The following ZNF805 variants were observed in gnomAD, a reference collection of about 807,000 sequenced individuals.
ZNF805 encodes the protein zinc finger protein 805.
In ZNF805, 7 loss-of-function variants were observed where a neutral mutation model predicts 13.6. The observed-to-expected ratio is 0.51, with a 90% confidence interval of 0.29 to 0.97. The LOEUF is 0.97. Among genes scored for constraint, ZNF805 ranks in the 50% least tolerant of loss-of-function variants. ZNF805 has a pLI of 0.08. For synonymous variants in ZNF805, 293 were observed against 279.8 expected, an observed-to-expected ratio of 1.05 and a Z score of -0.47; for missense variants, 604 against 771.0, an observed-to-expected ratio of 0.78 and a Z score of 2.57.
chr19:57,257,377 T>A lies in ZNF805; in HGVS notation c.*2674T>A, dbSNP rs1020365752. On this transcript the variant is annotated 3_prime_UTR_variant, in exon 4 of 4. Coordinates refer to ENST00000414468, the MANE Select transcript of ZNF805 (RefSeq NM_001023563.4). ...GAAGTCCTGAGCTATAATTGTGGAA[T>A]TACCTATTCCTCCTTTAAGTTCTAT... is the stretch of plus-strand genomic sequence containing the variant. 6.6e-6 allele frequency among the ~76,000 whole-genome samples: 1 copy of A among 152,230 alleles called. No individual in the cohort carries two copies. Among genetic ancestry groups the A allele is most frequent in the Admixed American group, 6.5e-5 (1 of 15,284 alleles).
At chr19:57,247,373 G>A (rs1406459624) in intron 2 of ZNF805, among the ~76,000 whole-genome samples, 1 of 152,138 alleles carries the variant, frequency 6.6e-6, no homozygotes. Flanking sequence ...TGGTGCTCGT[G>A]GTTTCCTCCT....
chr19:57,254,534 T>TG lies in ZNF805; in HGVS notation c.1718dup (p.Arg574LysfsTer27). On this transcript the variant is annotated frameshift_variant, in exon 4 of 4. Transcript: ENST00000414468. LOFTEE classifies it low-confidence loss of function (END_TRUNC). ...AGAAATCCTATCAGTGTAACAGATG[T>TG]GGGAAGACCTTTTACAAGTGGGCAG... 6.2e-7 allele frequency: 1 copy of TG among 1,614,206 alleles called. No individual in the cohort carries two copies. Among genetic ancestry groups the TG allele is most frequent in the Non-Finnish European group, 8.5e-7 (1 of 1,180,042 alleles).
chr19:57,243,823 G>A, intron 1 of ZNF805, 100 bp from the exon 2 acceptor site: 3 of 1,545,918 alleles, frequency 1.9e-6, no homozygotes, highest in Non-Finnish European at 2.7e-6. Context: ...GCCCTCAGGA[G>A]GCCCTCAGTG....
Position 57,245,757 on chromosome 19 carries a change from C to T in ZNF805, c.157+1708C>T, listed in dbSNP as rs188319916. On this transcript the variant is annotated intron_variant, in intron 2 of 3. Coordinates refer to ENST00000414468, the MANE Select transcript of ZNF805 (RefSeq NM_001023563.4). The stretch of plus-strand genomic sequence containing the variant: ...TTGCACCACTGCACTCCAGCCTGGG[C>T]GACAGAGCGAGACTCCATCTCAAAA... 9.1e-3 allele frequency among the ~76,000 whole-genome samples: 1,369 copies of T among 150,056 alleles called. 10 individuals carry two copies. The highest frequency in any genetic ancestry group is 0.024 in the Middle Eastern group (7 of 290).
Position 57,257,328 on chromosome 19 carries a change from A to G in ZNF805, c.*2625A>G, listed in dbSNP as rs1029938798. ...TGCTGATTTTCTGTCTAGTATTTCT[A>G]TCAATTGCCAAGAGAAGGATGTTGA... On this transcript the variant is annotated 3_prime_UTR_variant, in exon 4 of 4. Transcript: ENST00000414468. Among the ~76,000 whole-genome samples the G allele has an allele frequency of 3.9e-5, 6 of 152,266 alleles. No homozygotes were observed. Among genetic ancestry groups the G allele is most frequent in the Admixed American group, 1.3e-4 (2 of 15,300 alleles).
At position 57,253,846 on chromosome 19, in the gene ZNF805, T is replaced by C; in HGVS notation, c.1027T>C (p.Tyr343His). The change falls in exon 4 of 4, where the codon TAC (tyrosine) becomes CAC (histidine). Residue 343 changes from tyrosine to histidine, a missense_variant. Physicochemically the swap from Tyr to His is moderately conservative, Grantham distance 83. This residue lies in a region of ZNF805 where 228 missense variants were observed against 352.8 expected (regional missense o/e 0.65). Transcript: ENST00000414468. The surrounding 1 kb of genome is among the most constrained non-coding windows in gnomAD (Gnocchi z 4.4). ...HYIIHSGENP[Y>H]ECFECGKVFK... ...CATCATCCACAGTGGTGAGAATCCC[T>C]ACGAGTGCTTCGAATGTGGCAAGGT... 1 of 1,614,142 alleles carries C rather than the reference T, an allele frequency of 6.2e-7. No individual in the cohort carries two copies. The highest frequency in any genetic ancestry group is 2.2e-5 in the East Asian group (1 of 44,866).
chr19:57,248,574 C>G (rs747524469), intron 2 of ZNF805, 31 bp from the exon 3 acceptor site: 63 of 1,522,112 alleles, frequency 4.1e-5, no homozygotes, highest in Non-Finnish European at 5.4e-5. Context: ...TCACCCACAT[C>G]CATGTGTCCA....
rs940547162 is a variant in ZNF805, at chr19:57,254,187, G to C, written c.1368G>C (p.Glu456Asp). Residue 456 changes from glutamate (E) to aspartate (D), a missense_variant, in exon 4 of 4, where the codon GAG becomes GAC. Transcript: ENST00000414468. ...KRAHTGEKPF[E>D]CKECGKAFSN... ...CCCACACTGGAGAAAAACCTTTCGA[G>C]TGCAAAGAGTGTGGGAAAGCCTTTA... The C allele has an allele frequency of 6.2e-7, 1 of 1,613,932 alleles. No individual in the cohort carries two copies. The highest frequency in any genetic ancestry group is 8.5e-7 in the Non-Finnish European group (1 of 1,179,996).
intron 3 of ZNF805, among the ~76,000 whole-genome samples, chr19:57,250,589 T>A (rs2087645904): frequency 6.6e-6 from 1 of 152,172 alleles, no homozygotes; most frequent in Admixed American, 6.5e-5. Context: ...GTTAATAGAC[T>A]CCCAAAACTT....
chr19:57,248,584 A>C (rs1282645865), intron 2 of ZNF805, 21 bp from the exon 3 acceptor site: 1 of 1,552,714 alleles, frequency 6.4e-7, no homozygotes, highest in Non-Finnish European at 8.8e-7. Flanking sequence ...CCATGTGTCC[A>C]CTTGCTTTCT....
rs1462067121 is a variant in ZNF805 at position 57,255,042 on chromosome 19, CTCT to C, written c.*344_*346del. 1 of 214,228 alleles carries C rather than the reference CTCT, an allele frequency of 4.7e-6. No individual in the cohort carries two copies. Among genetic ancestry groups the C allele is most frequent in the Non-Finnish European group, 1.0e-5 (1 of 98,790 alleles). The allele number at this position is 214,228 out of a possible 1,614,324, so 13.3% of individuals were successfully genotyped here. The stretch of plus-strand genomic sequence containing the variant: ...CAATGTCTTTGTTCTACAACATTGT[CTCT>C]TCTTAAGAAGCATTGTTTTTATGAG... On this transcript the variant is annotated 3_prime_UTR_variant, in exon 4 of 4. Coordinates refer to ENST00000414468, the MANE Select transcript of ZNF805 (RefSeq NM_001023563.4).
intron 1 of ZNF805, among the ~76,000 whole-genome samples, chr19:57,242,945 A>T (rs530313491): frequency 1.3e-5 from 2 of 152,260 alleles, no homozygotes; most frequent in South Asian, 4.1e-4. Flanking sequence ...ACTCTGGCTG[A>T]ACTTGGTGCT....
intron 2 of ZNF805, 125 bp downstream of exon 2, chr19:57,244,174 C>T (rs979973415): frequency 2.3e-6 from 2 of 854,424 alleles, no homozygotes; most frequent in Non-Finnish European, 3.4e-6. Flanking sequence ...CAAATTCAGT[C>T]ATTTTCTACA....
intron 2 of ZNF805, among the ~76,000 whole-genome samples, chr19:57,245,671 C>G (rs557001846): frequency 6.7e-6 from 1 of 150,300 alleles, no homozygotes; most frequent in Non-Finnish European, 1.5e-5. Context: ...CCCAGCTACT[C>G]GGGAGGCTGA....
At position 57,253,184 on chromosome 19, in the gene ZNF805, T is replaced by G. The variant is rs1599995540; in HGVS notation, c.365T>G (p.Leu122Trp). The change falls in exon 4 of 4, where the codon TTG (leucine) becomes TGG (tryptophan). Residue 122 changes from leucine to tryptophan, a missense_variant. This residue lies in a region of ZNF805 where 327 missense variants were observed against 378.2 expected (regional missense o/e 0.86). Coordinates refer to ENST00000414468, the MANE Select transcript of ZNF805 (RefSeq NM_001023563.4). The surrounding 1 kb of genome is among the most constrained non-coding windows in gnomAD (Gnocchi z 4.4). ...CAAGGAGCTTCAGGGGACTCCCAGTTGGGGCAACCCAAGGATCAGGATGGG... is the reference window on the plus strand; with the variant it reads ...CAAGGAGCTTCAGGGGACTCCCAGTGGGGGCAACCCAAGGATCAGGATGGG... ...LTQGASGDSQ[L>W]GQPKDQDGFS... 6.4e-7 allele frequency: 1 copy of G among 1,560,682 alleles called. No individual in the cohort carries two copies.
chr19:57,261,774 G>C lies in ZNF805; in HGVS notation c.*7071G>C, dbSNP rs547703000. 1.8e-5 allele frequency: 3 copies of C among 167,030 alleles called. No individual in the cohort carries two copies. In the East Asian group the frequency reaches 5.8e-4, roughly 32 times the overall value. The allele number at this position is 167,030 out of a possible 1,614,324, so 10.3% of individuals were successfully genotyped here. ...TTTGATTTGCTAGGAAGACTCACAG[G>C]ACTCAGCATTTTGTCATACTCAATG... On this transcript the variant is annotated 3_prime_UTR_variant, in exon 4 of 4. Transcript: ENST00000414468.
Position 57,255,423 on chromosome 19 carries a change from G to C in ZNF805, c.*720G>C, listed in dbSNP as rs956038348. Among the ~76,000 whole-genome samples, 1 of 152,072 alleles carries C rather than the reference G, an allele frequency of 6.6e-6. No individual in the cohort carries two copies. Among genetic ancestry groups the C allele is most frequent in the Non-Finnish European group, 1.5e-5 (1 of 67,978 alleles). On this transcript the variant is annotated 3_prime_UTR_variant, in exon 4 of 4. Transcript: ENST00000414468. Reference sequence around the variant, plus strand: ...TCTTGCTTGGATTTTGATAGAAATTGAGTTAAATCTATAGATCAATGTGTT... The same window carrying C: ...TCTTGCTTGGATTTTGATAGAAATTCAGTTAAATCTATAGATCAATGTGTT...
chr19:57,245,536 T>C (rs547110820), intron 2 of ZNF805, among the ~76,000 whole-genome samples: 91 of 151,714 alleles, frequency 6.0e-4, no homozygotes, highest in Non-Finnish European at 1.1e-3. Flanking sequence ...TCCCAGCACT[T>C]TGGGAGGCCG....
chr19:57,253,174 G>C lies in ZNF805; in HGVS notation c.355G>C (p.Asp119His), dbSNP rs764590239. 6 of 1,558,560 alleles carry C rather than the reference G, an allele frequency of 3.8e-6. No individual in the cohort carries two copies. In the South Asian group the frequency reaches 5.9e-5, roughly 15 times the overall value. Reference protein sequence around the residue: ...WGQLTQGASGDSQLGQPKDQD... With the variant: ...WGQLTQGASGHSQLGQPKDQD... ...ACAACTAACACAAGGAGCTTCAGGG[G>C]ACTCCCAGTTGGGGCAACCCAAGGA... Residue 119 changes from aspartate to histidine, a missense_variant, in exon 4 of 4, where the codon GAC (aspartate) becomes CAC (histidine). By Grantham distance (81) the Asp-to-His change is moderately conservative. This residue lies in a region of ZNF805 where 327 missense variants were observed against 378.2 expected (regional missense o/e 0.86). Coordinates refer to ENST00000414468, the MANE Select transcript of ZNF805 (RefSeq NM_001023563.4). This position sits in a 1 kb window ranked among gnomAD's most constrained non-coding sequence, Gnocchi z 4.4.
Sources: allele counts gnomAD v4.1 joint callset (sites outside exome capture counted in the v4.1 genomes callset), GRCh38; gene constraint gnomAD v4.1.1; regional missense constraint gnomAD v4.1.1; non-coding constraint Gnocchi (gnomAD v3.1); transcripts MANE v1.5; gene names NCBI Gene and HGNC (gene_info 2026-07-23, HGNC 2026-07-21).